The following EIF4E3 variants were observed in gnomAD, a reference collection of about 807,000 sequenced individuals.
The protein encoded by EIF4E3 is eukaryotic translation initiation factor 4E family member 3.
In EIF4E3, 26 loss-of-function variants were observed where a neutral mutation model predicts 31.7. The observed-to-expected ratio is 0.82, with a 90% confidence interval of 0.60 to 1.14. The LOEUF (loss-of-function observed/expected upper bound fraction) is 1.14, where lower values mean the gene tolerates loss of function less well. Among genes scored for constraint, EIF4E3 ranks in the 50% most tolerant of loss-of-function variants. The pLI, the probability that EIF4E3 is intolerant of heterozygous loss-of-function variation, is 0.00. For missense variants in EIF4E3, 304 were observed against 270.9 expected (o/e 1.12, Z -0.86); for synonymous variants, 128 against 107.7 (o/e 1.19, Z -1.17).
intron 4 of EIF4E3, among the ~76,000 whole-genome samples, chr3:71,695,569 T>C (rs2049124690): frequency 1.3e-5 from 2 of 152,204 alleles, no homozygotes; most frequent in Admixed American, 6.5e-5. Context: ...ATATTTTTCA[T>C]TATGTATGCC....
At chr3:71,721,709 T>C (rs747596976) in intron 1 of EIF4E3, among the ~76,000 whole-genome samples, 7 of 152,128 alleles carry the variant, frequency 4.6e-5, no homozygotes, top group East Asian at 3.9e-4. Flanking sequence ...GCTTCTACCA[T>C]GATTGTAAGT....
the EIF4E3 span, among the ~76,000 whole-genome samples, chr3:71,669,660 G>A: frequency 6.6e-6 from 1 of 151,846 alleles, no homozygotes; most frequent in African/African-American, 2.4e-5. Flanking sequence ...GGTAACACAA[G>A]GGAACACTCT....
At chr3:71,728,224 A>G (rs150654739), upstream of EIF4E3, among the ~76,000 whole-genome samples, 2 of 152,228 alleles carry the variant, frequency 1.3e-5, no homozygotes, top group African/African-American at 2.4e-5. Flanking sequence ...AGATTATACA[A>G]AATGGCTAAG....
At chr3:71,663,628 C>A in the EIF4E3 span, among the ~76,000 whole-genome samples, 851 of 152,328 alleles carry the variant, frequency 5.6e-3, 9 homozygotes, top group African/African-American at 0.019. Flanking sequence ...TGAGGACCCC[C>A]ATCTGCAGGA....
intron 1 of EIF4E3, among the ~76,000 whole-genome samples, chr3:71,720,483 C>A (rs141721494): frequency 2.4e-3 from 371 of 152,252 alleles, no homozygotes; most frequent in African/African-American, 8.4e-3. Flanking sequence ...GGATGAACCA[C>A]CACATCCAGC....
chr3:71,725,157 C>T lies in EIF4E3; in HGVS notation c.176+35G>A. The T allele has an allele frequency of 9.4e-7, 1 of 1,062,170 alleles. No homozygotes were observed. The highest frequency in any genetic ancestry group is 1.1e-6 in the Non-Finnish European group (1 of 882,436). 65.8% of individuals were successfully genotyped at this position (1,062,170 alleles called of 1,614,324 possible). On this transcript the variant is annotated intron_variant, in intron 1 of 6. Transcript: ENST00000425534. The surrounding 1 kb of genome is among the most constrained non-coding windows in gnomAD (Gnocchi z 6.1). Reference sequence around the variant, plus strand: ...GCGGCGGTGGCGGCAGGACCCGGGTCGGGGCCGTGCGCGGCGGGCCCCGCG... The same window carrying T: ...GCGGCGGTGGCGGCAGGACCCGGGTTGGGGCCGTGCGCGGCGGGCCCCGCG...
In EIF4E3 at chr3:71,716,498, G is replaced by A. The variant is rs544201138; in HGVS notation, c.177-6014C>T. On this transcript the variant is annotated intron_variant, in intron 1 of 6. Transcript: ENST00000425534. ...TCCACCTGCCTCAGCCTCCCAAAGTGCTGGGATTACAGGCATGAGCCACCG... is the reference window on the plus strand; with the variant it reads ...TCCACCTGCCTCAGCCTCCCAAAGTACTGGGATTACAGGCATGAGCCACCG... 9.2e-5 allele frequency among the ~76,000 whole-genome samples: 14 copies of A among 152,338 alleles called. No individual in the cohort carries two copies. The South Asian group carries it at 2.7e-3, about 29-fold the overall frequency.
At chr3:71,746,876 G>A (rs527394087) in intron 1 of EIF4E3, among the ~76,000 whole-genome samples, 7 of 152,292 alleles carry the variant, frequency 4.6e-5, no homozygotes, top group African/African-American at 1.7e-4. Context: ...AAGTGGATTT[G>A]TACAATATGT....
At chr3:71,712,830 G>T (rs376836937) in intron 1 of EIF4E3, among the ~76,000 whole-genome samples, 1 of 131,972 alleles carries the variant, frequency 7.6e-6, no homozygotes, top group African/African-American at 2.8e-5. Context: ...ACAATGTGAG[G>T]ATAATACCAT....
chr3:71,666,811 C>T, the EIF4E3 span, among the ~76,000 whole-genome samples: 1 of 152,046 alleles, frequency 6.6e-6, no homozygotes, highest in African/African-American at 2.4e-5. Flanking sequence ...TGGTGGCGCA[C>T]ACCTGTAGTC....
chr3:71,752,153 T>G (rs73837589), intron 1 of EIF4E3, among the ~76,000 whole-genome samples: 1 of 152,112 alleles, frequency 6.6e-6, no homozygotes, highest in Non-Finnish European at 1.5e-5. Flanking sequence ...CTATTCAAAG[T>G]AAGGTCAGCA....
chr3:71,731,297 T>C (rs1040903666), intron 1 of EIF4E3, among the ~76,000 whole-genome samples: 1 of 152,190 alleles, frequency 6.6e-6, no homozygotes, highest in Non-Finnish European at 1.5e-5. Context: ...AATCCATGGC[T>C]GATCTCTCCC....
Position 71,679,263 on chromosome 3 carries a change from A to T in EIF4E3, c.*5419T>A, listed in dbSNP as rs2048896584. ...ATGAGAGGTAGCATAAATTTTCTAT[A>T]GAAAACTCAGAAACACTCAATTTAC... On this transcript the variant is annotated 3_prime_UTR_variant, in exon 7 of 7. Transcript: ENST00000425534. 1 of 152,222 alleles carries T rather than the reference A, an allele frequency of 6.6e-6. No individual in the cohort carries two copies. The highest frequency in any genetic ancestry group is 2.4e-5 in the African/African-American group (1 of 41,450). 9.4% of individuals were successfully genotyped at this position (152,222 alleles called of 1,614,324 possible). A position where few individuals can be genotyped will look rare whatever the true frequency, so the allele number is the denominator to read the frequency against.
intron 1 of EIF4E3, among the ~76,000 whole-genome samples, chr3:71,738,090 G>C (rs1320736065): frequency 6.6e-6 from 1 of 152,184 alleles, no homozygotes; most frequent in Non-Finnish European, 1.5e-5. Context: ...AGTAGTTAAA[G>C]AACAACACAG....
chr3:71,716,736 G>T (rs983181408), intron 1 of EIF4E3, among the ~76,000 whole-genome samples: 1 of 152,190 alleles, frequency 6.6e-6, no homozygotes, highest in Admixed American at 6.5e-5. Flanking sequence ...CCATTGGTTA[G>T]TGGCAGATCT....
At chr3:71,663,057 CT>C in the EIF4E3 span, among the ~76,000 whole-genome samples, 6 of 152,058 alleles carry the variant, frequency 3.9e-5, no homozygotes, top group Non-Finnish European at 1.5e-5. Flanking sequence ...CAAAACTGAA[CT>C]TGAATAGAAA....
intron 1 of EIF4E3, among the ~76,000 whole-genome samples, chr3:71,747,438 C>T (rs1279889411): frequency 6.6e-6 from 1 of 152,134 alleles, no homozygotes; most frequent in Non-Finnish European, 1.5e-5. Flanking sequence ...TAGAGAAATG[C>T]CTATTTAAAG....
At chr3:71,693,616 T>C (rs865804562) in intron 5 of EIF4E3, among the ~76,000 whole-genome samples, 1 of 152,030 alleles carries the variant, frequency 6.6e-6, no homozygotes, top group African/African-American at 2.4e-5. Context: ...TAAATTAAGC[T>C]AAGAGGGAAA....
At chr3:71,672,273 G>A (rs1473222604), downstream of EIF4E3, among the ~76,000 whole-genome samples, 4 of 152,076 alleles carry the variant, frequency 2.6e-5, no homozygotes, top group Admixed American at 6.6e-5. Flanking sequence ...CATAAAAGGC[G>A]AGATCTATAA....
Sources: gnomAD v4.1 joint callset for allele counts (sites outside exome capture counted in the v4.1 genomes callset) on GRCh38, gnomAD v4.1.1 for gene constraint, Gnocchi (gnomAD v3.1) non-coding constraint, MANE v1.5 for transcripts, NCBI Gene and HGNC (gene_info 2026-07-23, HGNC 2026-07-21) for gene names.